Variants in KAZN observed in about 807,000 individuals in gnomAD.
The protein encoded by KAZN is kazrin, periplakin interacting protein, also known as kazrin.
KAZN carries 40 observed loss-of-function variants against 87.4 expected under a neutral mutation model. The ratio of observed to expected loss-of-function variants is 0.46; its 90% CI spans 0.36 to 0.60. The LOEUF is 0.60. Among genes scored for constraint, KAZN ranks in the 20% least tolerant of loss-of-function variants. KAZN has a pLI of 0.00. For synonymous variants in KAZN, 466 were observed against 458.3 expected, an observed-to-expected ratio of 1.02 and a Z score of -0.22; for missense variants, 898 against 1,073.9, an observed-to-expected ratio of 0.84 and a Z score of 2.29.
intron 13 of KAZN, chr1:15,112,222 C>A: frequency 1.7e-6 from 1 of 581,866 alleles, no homozygotes; most frequent in Non-Finnish European, 3.1e-6. Context: ...GGCTGGCAGT[C>A]CCAAGCCCCA....
chr1:14,065,734 C>T lies in KAZN; in HGVS notation c.92-114701C>T, dbSNP rs573043376. Reference sequence around the variant, plus strand: ...GGGGCGGGCCTGGCATTTTCCTCTCCGTGTGCATCTTTGTTGTGAATAAGC... The same window carrying T: ...GGGGCGGGCCTGGCATTTTCCTCTCTGTGTGCATCTTTGTTGTGAATAAGC... On this transcript the variant is annotated intron_variant, in intron 1 of 16. Transcript: ENST00000636203. 5.9e-5 allele frequency among the ~76,000 whole-genome samples: 9 copies of T among 152,238 alleles called. No homozygotes were observed. In the South Asian group the frequency reaches 1.5e-3, roughly 25 times the overall value.
intron 2 of KAZN, among the ~76,000 whole-genome samples, chr1:14,967,511 T>C (rs75306469): frequency 6.6e-6 from 1 of 152,256 alleles, no homozygotes; most frequent in African/African-American, 2.4e-5. Flanking sequence ...GACTTGTGAA[T>C]GAGTTAGGTC....
At chr1:14,786,238 A>G (rs1014542933) in intron 1 of KAZN, among the ~76,000 whole-genome samples, 1 of 152,212 alleles carries the variant, frequency 6.6e-6, no homozygotes, top group South Asian at 2.1e-4. Flanking sequence ...TATCTTGGGC[A>G]CTGCAGTACT....
rs530462090 is a variant in KAZN, at chr1:13,979,666, C to T, written c.91+85910C>T. 1.8e-3 allele frequency among the ~76,000 whole-genome samples: 275 copies of T among 152,262 alleles called. 2 individuals carry two copies. Among genetic ancestry groups the T allele is most frequent in the Non-Finnish European group, 3.3e-3 (225 of 68,012 alleles). ...ATATGCGGCAGGGTGTGATGGCACACGCCTGTAATCCCAGTACTTTGGGAG... is the reference window on the plus strand; with the variant it reads ...ATATGCGGCAGGGTGTGATGGCACATGCCTGTAATCCCAGTACTTTGGGAG... On this transcript the variant is annotated intron_variant, in intron 1 of 16. Transcript: ENST00000636203.
intron 2 of KAZN, among the ~76,000 whole-genome samples, chr1:14,254,727 T>C (rs1571152433): frequency 6.7e-6 from 1 of 148,256 alleles, no homozygotes; most frequent in South Asian, 2.1e-4. Context: ...AAAAAAAAGG[T>C]TTAATTGGCT....
intron 2 of KAZN, among the ~76,000 whole-genome samples, chr1:14,387,804 G>GAGGC (rs1221631042): frequency 7.2e-5 from 11 of 152,198 alleles, no homozygotes; most frequent in African/African-American, 1.7e-4. Context: ...GGAGCCTACA[G>GAGGC]AGGCAGGCAG....
Position 15,094,975 on chromosome 1 carries a change from T to G in KAZN, c.1547+42T>G, listed in dbSNP as rs1640741138. 1.4e-6 allele frequency: 2 copies of G among 1,383,966 alleles called. No homozygotes were observed. Among genetic ancestry groups the G allele is most frequent in the Non-Finnish European group, 1.0e-6 (1 of 998,448 alleles). 85.7% of individuals were successfully genotyped at this position (1,383,966 alleles called of 1,614,324 possible). ...GGGCCCCGGGGGAGGAGAGAAAAAG[T>G]CATCCTGAGGCCTTTGGTCACACAG... is the stretch of plus-strand genomic sequence containing the variant. On this transcript the variant is annotated intron_variant, in intron 10 of 14. Coordinates refer to ENST00000376030, the MANE Select transcript of KAZN (RefSeq NM_201628.3). The surrounding 1 kb of genome is among the most constrained non-coding windows in gnomAD (Gnocchi z 4.5).
chr1:13,966,960 T>C (rs942260977), intron 1 of KAZN, among the ~76,000 whole-genome samples: 2 of 152,164 alleles, frequency 1.3e-5, no homozygotes, highest in African/African-American at 4.8e-5. Context: ...ACAATGTATG[T>C]CTTAAATCAC....
At chr1:15,071,582 A>G (rs1429041370) in intron 8 of KAZN, among the ~76,000 whole-genome samples, 1 of 152,216 alleles carries the variant, frequency 6.6e-6, no homozygotes, top group Non-Finnish European at 1.5e-5. Context: ...TACCTGAACC[A>G]CAATTGGATG....
chr1:14,547,244 T>C (rs979229618), intron 2 of KAZN, among the ~76,000 whole-genome samples: 8 of 152,222 alleles, frequency 5.3e-5, no homozygotes, highest in African/African-American at 1.9e-4. Context: ...GTCCTGCCTA[T>C]ATTTGGAATA....
intron 4 of KAZN, among the ~76,000 whole-genome samples, chr1:15,048,671 GTCCTGGGTCGTTGGTCCTGGGTCGTTGA>G (rs1673892502): frequency 2.9e-5 from 4 of 139,082 alleles, no homozygotes; most frequent in Admixed American, 2.1e-4. Flanking sequence ...TGGGTCGCTG[GTCCTGGGTCGTTGGTCCTGGGTCGTTGA>G]TCCTTGGTCG....
intron 1 of KAZN, among the ~76,000 whole-genome samples, chr1:14,861,024 C>T (rs557545434): frequency 6.6e-6 from 1 of 152,152 alleles, no homozygotes; most frequent in East Asian, 1.9e-4. Context: ...ACCAAAGATA[C>T]AATTTGTGCC....
In KAZN at chr1:14,368,631, C is replaced by T. The variant is rs144549902; in HGVS notation, c.249+188039C>T. On this transcript the variant is annotated intron_variant, in intron 2 of 16. Transcript: ENST00000636203. The stretch of plus-strand genomic sequence containing the variant: ...TAGATGGGTGTCACCTGTGATGCCT[C>T]CTCCCTCCTAAGCCTCTGGCTCAAT... 2.6e-3 allele frequency among the ~76,000 whole-genome samples: 394 copies of T among 152,230 alleles called. 1 individual carries two copies. Among genetic ancestry groups the T allele is most frequent in the Non-Finnish European group, 4.0e-3 (271 of 68,026 alleles).
chr1:14,859,894 T>C (rs1185681787), intron 1 of KAZN, among the ~76,000 whole-genome samples: 2 of 152,176 alleles, frequency 1.3e-5, no homozygotes, highest in Admixed American at 6.5e-5. Context: ...CATTCTCCCA[T>C]GAAGCCACGC....
rs138880792 is a variant in KAZN, at chr1:14,573,167, A to G, written c.250-25816A>G. On this transcript the variant is annotated intron_variant, in intron 2 of 16. Coordinates refer to the KAZN transcript ENST00000636203. ...TCAGTAAACCCATTTCTCCTAAACTACACAGTGCTTCCCACACTCTTCCTT... is the reference window on the plus strand; with the variant it reads ...TCAGTAAACCCATTTCTCCTAAACTGCACAGTGCTTCCCACACTCTTCCTT... Among the ~76,000 whole-genome samples, 391 of 152,252 alleles carry G rather than the reference A, an allele frequency of 2.6e-3. 12 individuals are homozygous for G. In the East Asian group the frequency reaches 0.056, roughly 22 times the overall value.
At chr1:15,065,027 C>CTTTTTTTTTTTTTTTTT (rs780410306) in intron 7 of KAZN, among the ~76,000 whole-genome samples, 6 of 102,740 alleles carry the variant, frequency 5.8e-5, no homozygotes, top group South Asian at 6.6e-4. Context: ...CTTTTTCTTT[C>CTTTTTTTTTTTTTTTTT]TTTTTTTTTT....
At chr1:14,932,060 AG>A (rs2101582110) in intron 1 of KAZN, among the ~76,000 whole-genome samples, 1 of 152,278 alleles carries the variant, frequency 6.6e-6, no homozygotes, top group South Asian at 2.1e-4. Context: ...TCCCGGCTCC[AG>A]GCTGCCCACC....
At chr1:14,124,058 C>G (rs1469727168) in intron 1 of KAZN, among the ~76,000 whole-genome samples, 1 of 152,212 alleles carries the variant, frequency 6.6e-6, no homozygotes, top group Non-Finnish European at 1.5e-5. Context: ...CCTCCATTTC[C>G]AAGATGCATT....
chr1:14,007,912 C>G (rs1640106614), intron 1 of KAZN, among the ~76,000 whole-genome samples: 1 of 152,162 alleles, frequency 6.6e-6, no homozygotes, highest in Non-Finnish European at 1.5e-5. Flanking sequence ...TGATTCTACC[C>G]ACAATGATCC....
Sources: gnomAD v4.1 joint callset for allele counts (sites outside exome capture counted in the v4.1 genomes callset) on GRCh38, gnomAD v4.1.1 for gene constraint, Gnocchi (gnomAD v3.1) non-coding constraint, MANE v1.5 for transcripts, NCBI Gene and HGNC (gene_info 2026-07-23, HGNC 2026-07-21) for gene names.